Variants in GATA4 observed in about 807,000 individuals in gnomAD.
The protein encoded by GATA4 is GATA binding protein 4, also known as transcription factor GATA-4.
In GATA4, 7 loss-of-function variants were observed where a neutral mutation model predicts 37.9. The ratio of observed to expected loss-of-function variants is 0.18; its 90% CI spans 0.11 to 0.35. The LOEUF (loss-of-function observed/expected upper bound fraction) is 0.35. Ranked by LOEUF, GATA4 falls within the 10% of genes least tolerant of loss-of-function variation. The pLI is 1.00. For missense variants in GATA4, 647 were observed against 653.0 expected (o/e 0.99, Z 0.10); for synonymous variants, 372 against 292.6 (o/e 1.27, Z -2.77).
chr8:11,715,964 A>C (rs1800417697), intron 2 of GATA4, among the ~76,000 whole-genome samples: 2 of 152,224 alleles, frequency 1.3e-5, no homozygotes, highest in African/African-American at 4.8e-5. Flanking sequence ...AGAATCGTAC[A>C]GTGTTTGTCG....
intron 1 of GATA4, among the ~76,000 whole-genome samples, chr8:11,695,088 C>T (rs771726211): frequency 5.7e-4 from 87 of 152,174 alleles, no homozygotes; most frequent in Admixed American, 5.2e-4. Flanking sequence ...TGCAACTGAG[C>T]GTAATGGAAA....
intron 1 of GATA4, among the ~76,000 whole-genome samples, chr8:11,684,243 A>T (rs1433026219): frequency 6.6e-6 from 1 of 152,222 alleles, no homozygotes; most frequent in East Asian, 1.9e-4. Context: ...GAGAGAAAAC[A>T]CTACAGGGAG....
At chr8:11,713,571 G>A (rs1800296150) in intron 2 of GATA4, among the ~76,000 whole-genome samples, 1 of 151,920 alleles carries the variant, frequency 6.6e-6, no homozygotes, top group Admixed American at 6.6e-5. Flanking sequence ...AGGGCTTTTA[G>A]GCTGGAGAAG....
intron 2 of GATA4, among the ~76,000 whole-genome samples, chr8:11,748,558 A>C (rs1468617216): frequency 6.6e-6 from 1 of 152,208 alleles, no homozygotes; most frequent in East Asian, 1.9e-4. Flanking sequence ...ACTAACTTTG[A>C]AAGGGAAAAA....
intron 1 of GATA4, among the ~76,000 whole-genome samples, chr8:11,699,072 C>T (rs1799590903): frequency 6.6e-6 from 1 of 152,228 alleles, no homozygotes; most frequent in Non-Finnish European, 1.5e-5. Flanking sequence ...ATTCACCCAA[C>T]ACTTATTGAG....
At chr8:11,724,642 T>C (rs990979282) in intron 2 of GATA4, among the ~76,000 whole-genome samples, 1 of 152,262 alleles carries the variant, frequency 6.6e-6, no homozygotes, top group Non-Finnish European at 1.5e-5. Flanking sequence ...GGCTGTGGGC[T>C]CCTCATCACC....
At chr8:11,694,582 C>G (rs1799448688) in intron 1 of GATA4, 3 of 861,474 alleles carry the variant, frequency 3.5e-6, no homozygotes, top group Non-Finnish European at 1.4e-6. Context: ...TCATGGAAGC[C>G]AAACTGTCTG....
At chr8:11,700,595 T>C (rs6651499), upstream of GATA4, 151,435 of 152,424 alleles carry the variant, frequency 0.99, 75,232 homozygotes, top group Middle Eastern at 1. Flanking sequence ...GGGTGAGGAC[T>C]GAGTGCCGCG....
chr8:11,724,136 A>T (rs760121285), intron 2 of GATA4, among the ~76,000 whole-genome samples: 1 of 151,998 alleles, frequency 6.6e-6, no homozygotes, highest in Non-Finnish European at 1.5e-5. Context: ...GTCAGAATGC[A>T]GCATGTCTTT....
At position 11,756,886 on chromosome 8, in the gene GATA4, C is replaced by T. The variant is rs749699170; in HGVS notation, c.1001-49C>T. On this transcript the variant is annotated intron_variant, in intron 5 of 6. Coordinates refer to ENST00000532059, the MANE Select transcript of GATA4 (RefSeq NM_001308093.3). ...GCTGTCTCGCAGGCTGCCGGCTGTT[C>T]GTTTGTCCCTGCCGCTGATTTGGGT... 23 of 1,613,648 alleles carry T rather than the reference C, an allele frequency of 1.4e-5. No individual in the cohort carries two copies. In the Admixed American group the frequency reaches 2.0e-4, roughly 14 times the overall value.
At chr8:11,688,229 A>G (rs1418488867), upstream of GATA4, among the ~76,000 whole-genome samples, 1 of 152,228 alleles carries the variant, frequency 6.6e-6, no homozygotes, top group East Asian at 1.9e-4. Flanking sequence ...TTTCAAAGCT[A>G]TACATTTATA....
rs531630682 is a variant in GATA4, at chr8:11,697,628, G to A, written c.-728-2880G>A. 58 of 985,418 alleles carry A rather than the reference G, an allele frequency of 5.9e-5. 2 individuals are homozygous for A. In the South Asian group the frequency reaches 2.4e-3, roughly 42 times the overall value. 61.0% of individuals were successfully genotyped at this position (985,418 alleles called of 1,614,324 possible). ...GGATGGCCGGACGGCCGGGCCTCCG[G>A]CCCCAGCACAGCCCCCCTTTCAGAG... On this transcript the variant is annotated intron_variant, in intron 1 of 2. Coordinates refer to the GATA4 transcript ENST00000526974.
At chr8:11,723,804 T>C (rs143068464) in intron 2 of GATA4, among the ~76,000 whole-genome samples, 2 of 152,316 alleles carry the variant, frequency 1.3e-5, no homozygotes, top group East Asian at 3.9e-4. Context: ...TTTAAAAAAA[T>C]TATCTTAAAC....
intron 1 of GATA4, among the ~76,000 whole-genome samples, chr8:11,685,531 G>A (rs1393539725): frequency 6.6e-6 from 1 of 152,166 alleles, no homozygotes; most frequent in African/African-American, 2.4e-5. Context: ...TTGTTCCAGA[G>A]AATTCAGTTT....
chr8:11,757,438 A>T (rs1240705649), intron 6 of GATA4, among the ~76,000 whole-genome samples: 1 of 152,226 alleles, frequency 6.6e-6, no homozygotes, highest in Non-Finnish European at 1.5e-5. Flanking sequence ...AAAACAACAC[A>T]GAAGTACAAC....
chr8:11,695,530 C>T (rs1730493810), intron 1 of GATA4, among the ~76,000 whole-genome samples: 1 of 152,206 alleles, frequency 6.6e-6, no homozygotes, highest in Non-Finnish European at 1.5e-5. Context: ...GAAATACAGT[C>T]CTACGCTCAA....
At chr8:11,757,281 C>T (rs897508707) in intron 6 of GATA4, among the ~76,000 whole-genome samples, 198 bp downstream of exon 6, 4 of 152,216 alleles carry the variant, frequency 2.6e-5, no homozygotes, top group Non-Finnish European at 4.4e-5. Context: ...GCATCTGCAT[C>T]GGGCTGTATT....
chr8:11,740,758 C>G (rs1305595543), intron 2 of GATA4, among the ~76,000 whole-genome samples: 1 of 150,588 alleles, frequency 6.6e-6, no homozygotes, highest in African/African-American at 2.4e-5. Flanking sequence ...TTTGGAGACA[C>G]GGTCTCACTC....
Position 11,732,134 on chromosome 8 carries a change from T to C in GATA4, c.617-16782T>C, listed in dbSNP as rs368197339. On this transcript the variant is annotated intron_variant, in intron 2 of 6. Coordinates refer to ENST00000532059, the MANE Select transcript of GATA4 (RefSeq NM_001308093.3). ...AATTTTAAGTCACATTCATAAAATA[T>C]AGGAGTGGATGCACTTTTAAAATTT... 3.3e-5 allele frequency among the ~76,000 whole-genome samples: 5 copies of C among 152,376 alleles called. No homozygotes were observed. In the East Asian group the frequency reaches 5.8e-4, roughly 18 times the overall value.
Sources: gnomAD v4.1 joint callset for allele counts (sites outside exome capture counted in the v4.1 genomes callset) on GRCh38, gnomAD v4.1.1 for gene constraint, MANE v1.5 for transcripts, NCBI Gene and HGNC (gene_info 2026-07-23, HGNC 2026-07-21) for gene names.